The following CAP1 variants were observed in gnomAD, a reference collection of about 807,000 sequenced individuals.
The protein encoded by CAP1 is cyclase associated actin cytoskeleton regulatory protein 1, also known as adenylyl cyclase-associated protein 1.
Under a neutral mutation model 58.2 loss-of-function variants are expected in CAP1, and 11 were observed. The ratio of observed to expected loss-of-function variants is 0.19; its 90% CI spans 0.12 to 0.31. CAP1 has a LOEUF of 0.31. CAP1 is among the 10% of genes least tolerant of loss of function. The probability of loss-of-function intolerance (pLI) is 1.00; values close to 1 mark genes in which losing one functional copy is unlikely to be tolerated. For synonymous variants in CAP1, 183 were observed against 213.8 expected (o/e 0.86, Z 1.26); for missense variants, 423 against 587.5 (o/e 0.72, Z 2.89).
rs761808792 is a variant in CAP1, at chr1:40,069,894, A to G, written c.993+20A>G. The G allele has an allele frequency of 1.3e-6, 2 of 1,526,240 alleles. No homozygotes were observed. Among genetic ancestry groups the G allele is most frequent in the Non-Finnish European group, 1.8e-6 (2 of 1,138,870 alleles). 94.5% of individuals were successfully genotyped at this position (1,526,240 alleles called of 1,614,324 possible). A position where few individuals can be genotyped will look rare whatever the true frequency, so the allele number is the denominator to read the frequency against. On this transcript the variant is annotated intron_variant, in intron 9 of 12. Coordinates refer to ENST00000372805, the MANE Select transcript of CAP1 (RefSeq NM_006367.4). Reference sequence around the variant, plus strand: ...AGAGTGGTGAGTTAAAAATACCTAGACAGGGGCAGGTATTTTTATTATTTT... The same window carrying G: ...AGAGTGGTGAGTTAAAAATACCTAGGCAGGGGCAGGTATTTTTATTATTTT...
At chr1:40,052,958 C>G (rs931520295) in intron 1 of CAP1, among the ~76,000 whole-genome samples, 7 of 152,046 alleles carry the variant, frequency 4.6e-5, no homozygotes, top group African/African-American at 1.7e-4. Context: ...GGCATGGTGG[C>G]TCACGCCTGT....
At position 40,066,139 on chromosome 1, in the gene CAP1, A is replaced by AT. The variant is rs369275576; in HGVS notation, c.525-76_525-75insT. 9.6e-4 allele frequency: 780 copies of AT among 809,630 alleles called. 2 individuals carry two copies. The highest frequency in any genetic ancestry group is 8.6e-3 in the African/African-American group (513 of 59,434). 50.2% of individuals were successfully genotyped at this position (809,630 alleles called of 1,614,324 possible). On this transcript the variant is annotated intron_variant, in intron 6 of 12. Coordinates refer to ENST00000372805, the MANE Select transcript of CAP1 (RefSeq NM_006367.4). ...CACGGGTAGGAGAATGTGAGCCCAT[A>AT]GGAAAGAAGGGTTCTGGAGTCACCA...
intron 1 of CAP1, 86 bp from the exon 2 acceptor site, chr1:40,059,251 G>T: frequency 1.3e-6 from 1 of 742,298 alleles, no homozygotes; most frequent in East Asian, 2.6e-5. Context: ...TCATCCACCT[G>T]GGGATGACCA....
At chr1:40,041,328 G>T (rs1288024711) in intron 1 of CAP1, 7 of 152,206 alleles carry the variant, frequency 4.6e-5, no homozygotes, top group Admixed American at 4.6e-4. Flanking sequence ...TTAAAGGCCA[G>T]CGCTGCGTGG....
At position 40,067,665 on chromosome 1, in the gene CAP1, T is replaced by G; in HGVS notation, c.756T>G (p.Ala252=). ...CCATTTCATGCTCATATGAGTCTGCTTCCCGCTCATCACTGTTCGCGCAGA... is the reference window on the plus strand; with the variant it reads ...CCATTTCATGCTCATATGAGTCTGCGTCCCGCTCATCACTGTTCGCGCAGA... ...VSTISCSYES[A]SRSSLFAQIN... is the part of the protein sequence containing the mutation. Residue 252 remains alanine (A), a synonymous_variant, in exon 8 of 13, where the codon GCT becomes GCG. Coordinates refer to ENST00000372805, the MANE Select transcript of CAP1 (RefSeq NM_006367.4). 1 of 1,595,994 alleles carries G rather than the reference T, an allele frequency of 6.3e-7. No homozygotes were observed. The highest frequency in any genetic ancestry group is 1.7e-4 in the Middle Eastern group (1 of 5,994).
intron 11 of CAP1, 36 bp from the exon 12 acceptor site, chr1:40,070,800 A>G (rs1647799546): frequency 6.3e-7 from 1 of 1,575,376 alleles, no homozygotes; most frequent in Non-Finnish European, 8.6e-7. Context: ...GTCCTTCCCA[A>G]CCACTGGGAC....
chr1:40,070,599 G>A, intron 11 of CAP1, 87 bp downstream of exon 11: 2 of 1,155,486 alleles, frequency 1.7e-6, no homozygotes, highest in Non-Finnish European at 2.6e-6. Flanking sequence ...GCTTTGGTGG[G>A]AATCTGATTC....
At position 40,064,559 on chromosome 1, in the gene CAP1, T is replaced by G. The variant is rs1646994885; in HGVS notation, c.524T>G (p.Val175Gly). The G allele has an allele frequency of 1.2e-6, 2 of 1,609,494 alleles. No individual in the cohort carries two copies. The highest frequency in any genetic ancestry group is 1.7e-6 in the Non-Finnish European group (2 of 1,176,680). ...TNRVLKEYKDVDKKHVDWVKA... is the reference protein window; with the variant it reads ...TNRVLKEYKDGDKKHVDWVKA... The stretch of plus-strand genomic sequence containing the variant: ...CGAGTCCTCAAAGAGTACAAAGATG[T>G]GTAAGTTCAGCCTTTTCTCTCTTTT... Residue 175 changes from valine to glycine, a missense_variant and splice_region_variant, in exon 6 of 13, where the codon GTG becomes GGG. Physicochemically the swap from Val to Gly is moderately radical, Grantham distance 109. Coordinates refer to ENST00000372805, the MANE Select transcript of CAP1 (RefSeq NM_006367.4).
intron 1 of CAP1, among the ~76,000 whole-genome samples, chr1:40,052,222 C>T (rs190253202): frequency 1.5e-3 from 221 of 152,250 alleles, no homozygotes; most frequent in Non-Finnish European, 2.7e-3. Flanking sequence ...AGTGATTACT[C>T]GTATCTATGA....
intron 1 of CAP1, among the ~76,000 whole-genome samples, chr1:40,054,259 C>T (rs986284146): frequency 6.7e-6 from 1 of 148,240 alleles, no homozygotes; most frequent in African/African-American, 2.5e-5. Flanking sequence ...GGCGCAATCT[C>T]AGCTTACTGC....
At chr1:40,052,657 G>T (rs572595264) in intron 1 of CAP1, among the ~76,000 whole-genome samples, 2 of 151,932 alleles carry the variant, frequency 1.3e-5, no homozygotes, top group East Asian at 3.9e-4. Context: ...GCCTCCCAAA[G>T]TGCTGGGATT....
intron 1 of CAP1, among the ~76,000 whole-genome samples, chr1:40,043,175 C>T (rs1434920794): frequency 2.0e-5 from 3 of 152,046 alleles, no homozygotes; most frequent in Non-Finnish European, 2.9e-5. Context: ...GGTTAGATGT[C>T]GGCCAAGTTG....
Position 40,067,195 on chromosome 1 carries a change from G to A in CAP1, c.631-345G>A, listed in dbSNP as rs1302197055. ...GGACAAGGGGATGATTGTACAGGGA[G>A]AGGAGCGGCAGGAAATGATGAAATC... is the stretch of plus-strand genomic sequence containing the variant. On this transcript the variant is annotated intron_variant, in intron 7 of 12. Transcript: ENST00000372805. The A allele has an allele frequency of 1.7e-5, 4 of 237,012 alleles. No homozygotes were observed. In the East Asian group the frequency reaches 3.1e-4, roughly 18 times the overall value. 14.7% of individuals were successfully genotyped at this position (237,012 alleles called of 1,614,324 possible). A position where few individuals can be genotyped will look rare whatever the true frequency, so the allele number is the denominator to read the frequency against.
At chr1:40,062,221 G>T (rs1345899184) in intron 4 of CAP1, among the ~76,000 whole-genome samples, 2 of 76,730 alleles carry the variant, frequency 2.6e-5, no homozygotes, top group Non-Finnish European at 6.5e-5. Flanking sequence ...CTGGTTGGGA[G>T]ACTCTCTCTT....
At chr1:40,068,630 A>G (rs945056431) in intron 8 of CAP1, among the ~76,000 whole-genome samples, 1 of 151,624 alleles carries the variant, frequency 6.6e-6, no homozygotes, top group Non-Finnish European at 1.5e-5. Flanking sequence ...TGAACCATGT[A>G]ATGTTTAAGA....
At position 40,042,396 on chromosome 1, in the gene CAP1, G is replaced by A. The variant is rs147071943; in HGVS notation, c.-11+1595G>A. Among the ~76,000 whole-genome samples the A allele has an allele frequency of 1.1e-3, 160 of 152,300 alleles. 2 individuals are homozygous for A. Among genetic ancestry groups the A allele is most frequent in the African/African-American group, 3.4e-3 (140 of 41,548 alleles). On this transcript the variant is annotated intron_variant, in intron 1 of 12. Coordinates refer to ENST00000372805, the MANE Select transcript of CAP1 (RefSeq NM_006367.4). ...CCCAGGGTTCCAGGAGGAAATGGGAGGCTAACTCTTGAAATATTTATTTAG... is the reference window on the plus strand; with the variant it reads ...CCCAGGGTTCCAGGAGGAAATGGGAAGCTAACTCTTGAAATATTTATTTAG...
At chr1:40,062,773 TTGTG>T (rs1169359200) in intron 4 of CAP1, among the ~76,000 whole-genome samples, 1 of 145,526 alleles carries the variant, frequency 6.9e-6, no homozygotes, top group Non-Finnish European at 1.5e-5. Flanking sequence ...TCAAAAAACA[TTGTG>T]TGTGTGTGTG....
At chr1:40,059,897 G>A (rs1646774865) in intron 2 of CAP1, among the ~76,000 whole-genome samples, 170 bp from the exon 3 acceptor site, 1 of 152,236 alleles carries the variant, frequency 6.6e-6, no homozygotes, top group Admixed American at 6.5e-5. Flanking sequence ...TTTAGTCAGG[G>A]TCACACAACC....
At chr1:40,063,732 G>A (rs551904464) in intron 4 of CAP1, among the ~76,000 whole-genome samples, 11 of 152,310 alleles carry the variant, frequency 7.2e-5, no homozygotes, top group Admixed American at 2.0e-4. Flanking sequence ...TAATGAGAAA[G>A]TAAAACATAT....
Sources: gnomAD v4.1 joint callset for allele counts (sites outside exome capture counted in the v4.1 genomes callset) on GRCh38, gnomAD v4.1.1 for gene constraint, MANE v1.5 for transcripts, NCBI Gene and HGNC (gene_info 2026-07-23, HGNC 2026-07-21) for gene names.